PCDH9: variants seen among roughly 807,000 people sequenced by gnomAD.
PCDH9 encodes the protein protocadherin 9, also known as protocadherin-9.
Under a neutral mutation model 70.6 loss-of-function variants are expected in PCDH9, and 24 were observed. That is an observed-to-expected ratio of 0.34 (90% CI 0.25 to 0.48). The LOEUF (loss-of-function observed/expected upper bound fraction) is 0.48. PCDH9 is among the 20% of genes least tolerant of loss of function. The pLI, the probability that PCDH9 is intolerant of heterozygous loss-of-function variation, is 0.99. For missense variants in PCDH9, 1,281 were observed against 1,503.6 expected (o/e 0.85, Z 2.45); for synonymous variants, 562 against 558.5 (o/e 1.01, Z -0.09).
At chr13:67,033,248 T>TGCTTTCTCTGCTCTGGGTCACTGC (rs2084942015) in intron 2 of PCDH9, among the ~76,000 whole-genome samples, 2 of 152,160 alleles carry the variant, frequency 1.3e-5, no homozygotes, top group Non-Finnish European at 2.9e-5. Context: ...TTTTCATAAT[T>TGCTTTCTCTGCTCTGGGTCACTGC]AGTGCTCTGG....
chr13:66,549,617 G>A (rs1961386708), intron 4 of PCDH9, among the ~76,000 whole-genome samples: 1 of 151,994 alleles, frequency 6.6e-6, no homozygotes, highest in Non-Finnish European at 1.5e-5. Context: ...CTCTAAAGAG[G>A]TCAAATCAGA....
rs190584222 is a variant in PCDH9, at chr13:66,308,903, C to A, written c.3341-3875G>T. Among the ~76,000 whole-genome samples the A allele has an allele frequency of 1.9e-3, 287 of 152,036 alleles. 5 individuals carry two copies. In the East Asian group the frequency reaches 0.02, roughly 11 times the overall value. On this transcript the variant is annotated intron_variant, in intron 4 of 4. Transcript: ENST00000377865. ...GAGCCAAGACAGCAAAAAATAAAAA[C>A]AAAAACAAAAACAAAACCTATATAC...
chr13:66,360,394 A>C (rs1364132073), intron 4 of PCDH9, among the ~76,000 whole-genome samples: 4 of 152,090 alleles, frequency 2.6e-5, no homozygotes, highest in Admixed American at 6.6e-5. Flanking sequence ...ATTAATCCTT[A>C]GCTGTGATTC....
chr13:67,224,725 G>A, intron 2 of PCDH9: 1 of 634,858 alleles, frequency 1.6e-6, no homozygotes. Context: ...TAGGCAGCAA[G>A]CATTCTTTTT....
At chr13:66,604,807 T>C (rs1593764607) in intron 4 of PCDH9, among the ~76,000 whole-genome samples, 2 of 152,224 alleles carry the variant, frequency 1.3e-5, no homozygotes, top group Admixed American at 1.3e-4. Context: ...ATACTTTTTA[T>C]GTTTTTATGT....
intron 2 of PCDH9, among the ~76,000 whole-genome samples, chr13:67,061,661 C>T (rs2085542184): frequency 6.6e-6 from 1 of 152,044 alleles, no homozygotes; most frequent in African/African-American, 2.4e-5. Flanking sequence ...TTAACTTTCT[C>T]ATTCCCCTTC....
Position 66,900,044 on chromosome 13 carries a change from T to C in PCDH9, c.3138+3460A>G, listed in dbSNP as rs141509532. Among the ~76,000 whole-genome samples, 1,231 of 152,058 alleles carry C rather than the reference T, an allele frequency of 8.1e-3. 6 individuals carry two copies. The highest frequency in any genetic ancestry group is 0.012 in the Non-Finnish European group (813 of 67,870). On this transcript the variant is annotated intron_variant, in intron 3 of 4. Transcript: ENST00000377865. ...CTGAGAGGTAGGGCAAGCTACTCAA[T>C]CGCTGTTATCTTCACGTTATGTTTC... is the stretch of plus-strand genomic sequence containing the variant.
At chr13:66,636,359 G>C (rs2077637225) in intron 3 of PCDH9, among the ~76,000 whole-genome samples, 2 of 152,022 alleles carry the variant, frequency 1.3e-5, no homozygotes, top group South Asian at 4.2e-4. Context: ...ACAATCTTCT[G>C]ATCTCTTTTC....
chr13:66,512,915 A>G (rs1480429528), intron 4 of PCDH9, among the ~76,000 whole-genome samples: 1 of 151,794 alleles, frequency 6.6e-6, no homozygotes, highest in Non-Finnish European at 1.5e-5. Context: ...TGCAACCTCC[A>G]TCTCCCTGGC....
At chr13:67,026,944 G>A (rs1388276712) in intron 2 of PCDH9, among the ~76,000 whole-genome samples, 2 of 152,146 alleles carry the variant, frequency 1.3e-5, no homozygotes, top group African/African-American at 2.4e-5. Context: ...AACATTCCAC[G>A]CTCATGGGTA....
chr13:66,737,776 C>T (rs193139212), intron 3 of PCDH9, among the ~76,000 whole-genome samples: 67 of 152,106 alleles, frequency 4.4e-4, no homozygotes, highest in Middle Eastern at 6.8e-3. Context: ...CCGAATATTG[C>T]GCTTTTCAGA....
Position 66,903,514 on chromosome 13 carries a change from C to T in PCDH9, c.3128G>A (p.Ser1043Asn). 1 of 1,469,086 alleles carries T rather than the reference C, an allele frequency of 6.8e-7. No individual in the cohort carries two copies. Among genetic ancestry groups the T allele is most frequent in the South Asian group, 1.1e-5 (1 of 87,740 alleles). 91.0% of individuals were successfully genotyped at this position (1,469,086 alleles called of 1,614,324 possible). Residue 1043 changes from serine (S) to asparagine (N), a missense_variant, in exon 3 of 5, where the codon AGC (serine) becomes AAC (asparagine). Physicochemically the swap from Ser to Asn is conservative, Grantham distance 46 (BLOSUM62 1). This residue lies in a region of PCDH9 where 264 missense variants were observed against 278.8 expected (regional missense o/e 0.95). Transcript: ENST00000377865. ...TGFHIQENEESHYESQRRVTF... is the reference protein window; with the variant it reads ...TGFHIQENEENHYESQRRVTF... Reference sequence around the variant, plus strand: ...AGATATATGGCATACCTCGTAATGGCTTTCTTCATTCTCCTGAATGTGGAA... The same window carrying T: ...AGATATATGGCATACCTCGTAATGGTTTTCTTCATTCTCCTGAATGTGGAA...
intron 3 of PCDH9, among the ~76,000 whole-genome samples, chr13:66,765,088 C>CTG (rs1566179123): frequency 4.4e-5 from 2 of 45,362 alleles, no homozygotes; most frequent in South Asian, 6.6e-4. Flanking sequence ...CTGTCTCTCT[C>CTG]TCTCTCTCTG....
intron 2 of PCDH9, among the ~76,000 whole-genome samples, chr13:67,078,803 T>C (rs187678836): frequency 2.3e-4 from 35 of 152,288 alleles, no homozygotes; most frequent in Admixed American, 1.4e-3. Context: ...AGCTATTTAA[T>C]GTATTAAATT....
chr13:67,047,680 T>G (rs1025875040), intron 2 of PCDH9, among the ~76,000 whole-genome samples: 1 of 152,190 alleles, frequency 6.6e-6, no homozygotes, highest in Non-Finnish European at 1.5e-5. Flanking sequence ...TTAGTTAAAA[T>G]GTACTCTATC....
At chr13:66,345,568 C>A (rs17081175) in intron 4 of PCDH9, among the ~76,000 whole-genome samples, 37,265 of 151,960 alleles carry the variant, frequency 0.25, 4,753 homozygotes, top group African/African-American at 0.27. Flanking sequence ...ATGAAGGCGG[C>A]ATGCTGATTA....
At chr13:66,722,866 G>T (rs1419749213) in intron 3 of PCDH9, among the ~76,000 whole-genome samples, 2 of 151,480 alleles carry the variant, frequency 1.3e-5, no homozygotes, top group Admixed American at 1.3e-4. Flanking sequence ...TACTCAGGAG[G>T]CTGAGGCAGG....
chr13:66,545,504 A>G (rs967029276), intron 4 of PCDH9, among the ~76,000 whole-genome samples: 4 of 152,196 alleles, frequency 2.6e-5, no homozygotes, highest in Non-Finnish European at 4.4e-5. Context: ...ACTTATTGTC[A>G]TACACAGTAA....
intron 4 of PCDH9, among the ~76,000 whole-genome samples, chr13:66,376,719 T>A (rs2138230410): frequency 6.6e-6 from 1 of 152,296 alleles, no homozygotes; most frequent in East Asian, 1.9e-4. Flanking sequence ...CTTTAAATGC[T>A]AGATCTATGT....
Sources: allele counts gnomAD v4.1 joint callset (sites outside exome capture counted in the v4.1 genomes callset), GRCh38; gene constraint gnomAD v4.1.1; regional missense constraint gnomAD v4.1.1; transcripts MANE v1.5; gene names NCBI Gene and HGNC (gene_info 2026-07-23, HGNC 2026-07-21).